KIAA1671: variants seen among roughly 807,000 people sequenced by gnomAD.
The protein encoded by KIAA1671 is KIAA1671.
KIAA1671 carries 52 observed loss-of-function variants against 131.2 expected under a neutral mutation model. The ratio of observed to expected loss-of-function variants is 0.40; its 90% CI spans 0.32 to 0.50. The LOEUF (loss-of-function observed/expected upper bound fraction) is 0.50. Among genes scored for constraint, KIAA1671 ranks in the 20% least tolerant of loss-of-function variants. The pLI, the probability that KIAA1671 is intolerant of heterozygous loss-of-function variation, is 0.73. For missense variants in KIAA1671, 2,360 were observed against 2,364.2 expected (o/e 1.00, Z 0.04); for synonymous variants, 1,003 against 961.6 (o/e 1.04, Z -0.80).
intron 1 of KIAA1671, among the ~76,000 whole-genome samples, chr22:24,975,795 C>G (rs1457656385): frequency 6.6e-6 from 1 of 152,112 alleles, no homozygotes; most frequent in African/African-American, 2.4e-5. Flanking sequence ...GGAAATATAG[C>G]CAAGGATGGT....
At position 25,181,036 on chromosome 22, in the gene KIAA1671, C is replaced by A. The variant is rs527366619; in HGVS notation, c.5075-663C>A. Reference sequence around the variant, plus strand: ...GCGTACCTCAGTTCCTCGGGTAGCCCAAGGGCTCCAGAGCACCAGGTCTTG... The same window carrying A: ...GCGTACCTCAGTTCCTCGGGTAGCCAAAGGGCTCCAGAGCACCAGGTCTTG... On this transcript the variant is annotated intron_variant, in intron 9 of 12. Transcript: ENST00000358431. Among the ~76,000 whole-genome samples the A allele has an allele frequency of 6.6e-5, 10 of 152,252 alleles. No homozygotes were observed. In the South Asian group the frequency reaches 2.1e-3, roughly 32 times the overall value.
chr22:25,074,794 G>A (rs779928597), intron 6 of KIAA1671, among the ~76,000 whole-genome samples: 1 of 152,044 alleles, frequency 6.6e-6, no homozygotes, highest in Non-Finnish European at 1.5e-5. Context: ...TGGACACTTC[G>A]GGTGTGTCCA....
chr22:25,105,621 C>G (rs150819284), intron 6 of KIAA1671, among the ~76,000 whole-genome samples: 6 of 152,194 alleles, frequency 3.9e-5, no homozygotes, highest in Admixed American at 1.3e-4. Flanking sequence ...GCAGACCGCT[C>G]TGTACCTAAA....
intron 1 of KIAA1671, among the ~76,000 whole-genome samples, chr22:24,962,045 G>A (rs1012602660): frequency 6.6e-6 from 1 of 152,226 alleles, no homozygotes; most frequent in Non-Finnish European, 1.5e-5. Context: ...AGATATTACT[G>A]CATAAGAAGG....
intron 6 of KIAA1671, among the ~76,000 whole-genome samples, chr22:25,091,689 G>T (rs1170619116): frequency 6.6e-6 from 1 of 152,172 alleles, no homozygotes; most frequent in Non-Finnish European, 1.5e-5. Context: ...GTTCTCACAT[G>T]CGTTCTTCCT....
At chr22:24,974,785 C>T (rs1017141002) in intron 1 of KIAA1671, among the ~76,000 whole-genome samples, 2 of 149,166 alleles carry the variant, frequency 1.3e-5, no homozygotes, top group African/African-American at 2.5e-5. Context: ...CTCAACTTTC[C>T]GGCTTCAAGC....
At chr22:25,005,809 A>G (rs1336391830) in intron 1 of KIAA1671, among the ~76,000 whole-genome samples, 1 of 152,212 alleles carries the variant, frequency 6.6e-6, no homozygotes, top group East Asian at 1.9e-4. Flanking sequence ...AAGGCAGAGA[A>G]TGAAGCTAGA....
chr22:25,093,854 C>CTCTCTCTCTCTG (rs1930262857), intron 6 of KIAA1671, among the ~76,000 whole-genome samples: 4 of 114,808 alleles, frequency 3.5e-5, no homozygotes, highest in East Asian at 4.9e-4. Context: ...CTCTCTCTCT[C>CTCTCTCTCTCTG]TCTCTCTCTC....
intron 10 of KIAA1671, among the ~76,000 whole-genome samples, chr22:25,182,741 G>A (rs9608376): frequency 0.25 from 38,256 of 152,072 alleles, 6,096 homozygotes; most frequent in East Asian, 0.48. Context: ...TGTAAAGTGG[G>A]CTGAGAATCC....
intron 6 of KIAA1671, among the ~76,000 whole-genome samples, chr22:25,093,768 G>GTCTCTCTCTCTCTCTCTCTCTCTCTCTC (rs71191028): frequency 8.2e-5 from 5 of 60,708 alleles, no homozygotes; most frequent in East Asian, 8.4e-4. Context: ...CTCTCTCTCT[G>GTCTCTCTCTCTCTCTCTCTCTCTCTCTC]TCTCTCTCTC....
rs1931492186 is a variant in KIAA1671 at position 25,113,507 on chromosome 22, AT to A, written c.4531-57310del. Among the ~76,000 whole-genome samples, 5 of 152,246 alleles carry A rather than the reference AT, an allele frequency of 3.3e-5. No individual in the cohort carries two copies. In the South Asian group the frequency reaches 1.0e-3, roughly 32 times the overall value. On this transcript the variant is annotated intron_variant, in intron 6 of 12. Transcript: ENST00000358431. ...TGCTATAGTCATTAAGGGACCCAGC[AT>A]TTAGGGAGGAGCCCTGAGCTGGCCC...
intron 1 of KIAA1671, among the ~76,000 whole-genome samples, chr22:24,974,037 C>A (rs966612116): frequency 6.6e-6 from 1 of 152,182 alleles, no homozygotes; most frequent in African/African-American, 2.4e-5. Flanking sequence ...ACGGGACTTT[C>A]ACCAGCTCTG....
intron 3 of KIAA1671, among the ~76,000 whole-genome samples, chr22:25,029,752 C>T (rs970610906): frequency 1.3e-4 from 20 of 152,326 alleles, no homozygotes; most frequent in South Asian, 2.1e-4. Flanking sequence ...CCGGGGGGCC[C>T]GGAGCCCAAT....
At chr22:25,059,055 G>A (rs1001219089) in intron 6 of KIAA1671, 1 of 152,244 alleles carries the variant, frequency 6.6e-6, no homozygotes, top group African/African-American at 2.4e-5. Flanking sequence ...TCAGGGTGGA[G>A]GCTGTTTGCT....
chr22:25,118,395 A>G (rs1931781267), intron 6 of KIAA1671, among the ~76,000 whole-genome samples: 1 of 151,968 alleles, frequency 6.6e-6, no homozygotes, highest in African/African-American at 2.4e-5. Flanking sequence ...CTCACCTAGG[A>G]TGATCACCTC....
At chr22:24,963,320 C>T (rs986182089) in intron 1 of KIAA1671, among the ~76,000 whole-genome samples, 5 of 143,190 alleles carry the variant, frequency 3.5e-5, no homozygotes, top group Non-Finnish European at 4.5e-5. Flanking sequence ...GCCAAGATCA[C>T]GCCACTGCAC....
chr22:25,185,016 G>C lies in KIAA1671; in HGVS notation c.5239G>C (p.Glu1747Gln), dbSNP rs1350917677. 2 of 1,551,624 alleles carry C rather than the reference G, an allele frequency of 1.3e-6. No individual in the cohort carries two copies. The highest frequency in any genetic ancestry group is 3.9e-5 in the Admixed American group (2 of 51,000). The change falls in exon 11 of 13, where the codon GAG becomes CAG. Residue 1747 changes from glutamate to glutamine, a missense_variant. This residue lies in a region of KIAA1671 where 1,161 missense variants were observed against 1,204.7 expected (regional missense o/e 0.96). Transcript: ENST00000358431. ...GAGGCCAGAGGTGGACAGTCCTGGC[G>C]AGACCCCCAGCTGGGCACCCCAACC... ...HKRPEVDSPG[E>Q]TPSWAPQPKS...
At chr22:24,993,128 C>T (rs898472621) in intron 1 of KIAA1671, among the ~76,000 whole-genome samples, 1 of 152,052 alleles carries the variant, frequency 6.6e-6, no homozygotes, top group Non-Finnish European at 1.5e-5. Flanking sequence ...CTGGATGCAC[C>T]AGACGGAGGA....
rs759033748 is a variant in KIAA1671 at position 25,028,364 on chromosome 22, A to G, written c.365A>G (p.Glu122Gly). The G allele has an allele frequency of 0.01, 15,836 of 1,550,814 alleles. 102 individuals are homozygous for G. Among genetic ancestry groups the G allele is most frequent in the Non-Finnish European group, 0.012 (14,048 of 1,146,954 alleles). ...GLVGQEVGSG[E>G]GPRTSSPLFN... Reference sequence around the variant, plus strand: ...GTGGGGCAGGAGGTGGGCAGTGGGGAGGGCCCGAGGACGAGCTCGCCCCTC... The same window carrying G: ...GTGGGGCAGGAGGTGGGCAGTGGGGGGGGCCCGAGGACGAGCTCGCCCCTC... Residue 122 changes from glutamate (E) to glycine (G), a missense_variant, in exon 3 of 13, where the codon GAG becomes GGG. Glu to Gly is a moderately conservative substitution (Grantham distance 98). Transcript: ENST00000358431.
Sources: gnomAD v4.1 joint callset for allele counts (sites outside exome capture counted in the v4.1 genomes callset) on GRCh38, gnomAD v4.1.1 for gene constraint, gnomAD v4.1.1 regional missense constraint, MANE v1.5 for transcripts, NCBI Gene and HGNC (gene_info 2026-07-23, HGNC 2026-07-21) for gene names.